The following SLC16A3 variants were observed in gnomAD, a reference collection of about 807,000 sequenced individuals.
The protein encoded by SLC16A3 is monocarboxylate transporter 4.
In SLC16A3, 22 loss-of-function variants were observed where a neutral mutation model predicts 25.0. The ratio of observed to expected loss-of-function variants is 0.88; its 90% confidence interval spans 0.63 to 1.26. The LOEUF (loss-of-function observed/expected upper bound fraction) is 1.26. Among genes scored for constraint, SLC16A3 ranks in the 50% most tolerant of loss-of-function variants. The pLI is 0.00. For missense variants in SLC16A3, 731 were observed against 666.6 expected, an observed-to-expected ratio of 1.10 and a Z score of -1.06; for synonymous variants, 390 against 309.2, an observed-to-expected ratio of 1.26 and a Z score of -2.74.
Position 82,236,807 on chromosome 17 carries a change from G to A in SLC16A3, c.302G>A (p.Gly101Asp). Residue 101 changes from glycine (G) to aspartate (D), a missense_variant, in exon 3 of 5, where the codon GGC becomes GAC. Physicochemically the swap from Gly to Asp is moderately conservative, Grantham distance 94 (BLOSUM62 -1). Coordinates refer to ENST00000582743, the MANE Select transcript of SLC16A3 (RefSeq NM_004207.4). ...GTGGGGGGTCTCTTTGCGTCGCTGG[G>A]CATGGTGGCTGCGTCCTTTTGCCGG... The part of the protein sequence containing the change: ...MLVGGLFASL[G>D]MVAASFCRSI... The A allele has an allele frequency of 2.5e-6, 4 of 1,608,668 alleles. No homozygotes were observed. The highest frequency in any genetic ancestry group is 1.1e-5 in the South Asian group (1 of 91,080).
At chr17:82,219,457 G>A (rs1019442099) in intron 1 of SLC16A3, among the ~76,000 whole-genome samples, 3 of 152,126 alleles carry the variant, frequency 2.0e-5, no homozygotes, top group East Asian at 1.9e-4. Flanking sequence ...CTTGCAGGCC[G>A]TGGGGGCTCC....
At chr17:82,227,813 C>A (rs112782362), upstream of SLC16A3, among the ~76,000 whole-genome samples, 2 of 152,158 alleles carry the variant, frequency 1.3e-5, no homozygotes, top group African/African-American at 2.4e-5. Flanking sequence ...GGTGGTTGGG[C>A]CCCAGGTAGG....
chr17:82,235,036 G>C (rs1464767076), intron 1 of SLC16A3: 1 of 152,270 alleles, frequency 6.6e-6, no homozygotes, highest in Admixed American at 6.5e-5. Context: ...GGGTGGGGTG[G>C]GGCATGAAGA....
In SLC16A3 at chr17:82,239,260, A is replaced by C. The variant is rs1353570098; in HGVS notation, c.*284A>C. On this transcript the variant is annotated 3_prime_UTR_variant, in exon 5 of 5. Coordinates refer to ENST00000582743, the MANE Select transcript of SLC16A3 (RefSeq NM_004207.4). ...GTGGCCTGCGGCCACTGCTATGCTC[A>C]AGGACCTGGAAACCCATGCTTCGAG... 3.3e-5 allele frequency: 5 copies of C among 152,732 alleles called. No homozygotes were observed. The South Asian group carries it at 9.0e-4, about 28-fold the overall frequency. 9.5% of individuals were successfully genotyped at this position (152,732 alleles called of 1,614,324 possible).
At chr17:82,219,148 G>T (rs1043681274) in intron 1 of SLC16A3, among the ~76,000 whole-genome samples, 2 of 152,084 alleles carry the variant, frequency 1.3e-5, no homozygotes, top group African/African-American at 4.8e-5. Flanking sequence ...CATACATTGG[G>T]CTCAGGAGAT....
At chr17:82,227,685 C>CACCACCCGCCCTGGGCGGG (rs1568531681), upstream of SLC16A3, among the ~76,000 whole-genome samples, 9 of 10,624 alleles carry the variant, frequency 8.5e-4, no homozygotes, top group African/African-American at 8.9e-3. Context: ...TGGGCGGGAG[C>CACCACCCGCCCTGGGCGGG]AGCACGGGCC....
At chr17:82,222,353 C>G (rs945565310) in intron 1 of SLC16A3, among the ~76,000 whole-genome samples, 1 of 152,256 alleles carries the variant, frequency 6.6e-6, no homozygotes, top group Non-Finnish European at 1.5e-5. Context: ...CAAAGAGAAA[C>G]GAAGACATCT....
rs769752302 is a variant in SLC16A3 at position 82,238,688 on chromosome 17, G to A, written c.1124-14G>A. 8.7e-6 allele frequency: 14 copies of A among 1,602,548 alleles called. No homozygotes were observed. The highest frequency in any genetic ancestry group is 2.7e-5 in the African/African-American group (2 of 74,742). Reference sequence around the variant, plus strand: ...CCCGCATGAGCGGCTGGGACTGACGGGGTCTTCCCGCAGGCAAACTCCTGG... The same window carrying A: ...CCCGCATGAGCGGCTGGGACTGACGAGGTCTTCCCGCAGGCAAACTCCTGG... On this transcript the variant is annotated splice_polypyrimidine_tract_variant and intron_variant, in intron 4 of 4. Coordinates refer to ENST00000582743, the MANE Select transcript of SLC16A3 (RefSeq NM_004207.4).
Position 82,237,618 on chromosome 17 carries a change from T to C in SLC16A3, c.848T>C (p.Phe283Ser). 6.2e-7 allele frequency: 1 copy of C among 1,612,744 alleles called. No individual in the cohort carries two copies. The highest frequency in any genetic ancestry group is 8.5e-7 in the Non-Finnish European group (1 of 1,179,806). ...IDIFARPAAG[F>S]VAGLGKVRPY... ...ATCTTCGCGCGGCCGGCCGCGGGCTTCGTGGCGGGGCTTGGGAAGGTGCGG... is the reference window on the plus strand; with the variant it reads ...ATCTTCGCGCGGCCGGCCGCGGGCTCCGTGGCGGGGCTTGGGAAGGTGCGG... Residue 283 changes from phenylalanine to serine, a missense_variant, in exon 4 of 5, where the codon TTC becomes TCC. Coordinates refer to ENST00000582743, the MANE Select transcript of SLC16A3 (RefSeq NM_004207.4).
intron 1 of SLC16A3, chr17:82,231,733 GC>G (rs1254371294): frequency 6.6e-6 from 1 of 152,332 alleles, no homozygotes; most frequent in Non-Finnish European, 1.5e-5. Context: ...ACCAGTGGGG[GC>G]TCCTGGCCCT....
chr17:82,239,060 C>T lies in SLC16A3; in HGVS notation c.*84C>T. 1 of 1,349,750 alleles carries T rather than the reference C, an allele frequency of 7.4e-7. No homozygotes were observed. Among genetic ancestry groups the T allele is most frequent in the Non-Finnish European group, 9.9e-7 (1 of 1,007,576 alleles). 83.6% of individuals were successfully genotyped at this position (1,349,750 alleles called of 1,614,324 possible). A position where few individuals can be genotyped will look rare whatever the true frequency, so the allele number is the denominator to read the frequency against. On this transcript the variant is annotated 3_prime_UTR_variant, in exon 5 of 5. Transcript: ENST00000582743. The stretch of plus-strand genomic sequence containing the variant: ...ATTTATTTTACAAACTGGACTGGCT[C>T]AGGCAGGGCCACGGCTGGGCTCCAG...
chr17:82,237,560 G>T lies in SLC16A3; in HGVS notation c.790G>T (p.Ala264Ser). The part of the protein sequence containing the change: ...KDLGVPDTKA[A>S]FLLTILGFID... ...CCTGGGCGTGCCCGACACCAAGGCC[G>T]CCTTCCTGCTCACCATCCTGGGCTT... The change falls in exon 4 of 5, where the codon GCC becomes TCC. Residue 264 changes from alanine (A) to serine (S), a missense_variant. Physicochemically the swap from Ala to Ser is moderately conservative, Grantham distance 99. Transcript: ENST00000582743. The T allele has an allele frequency of 6.2e-7, 1 of 1,611,178 alleles. No homozygotes were observed.
chr17:82,237,088 G>A (rs555649821), intron 3 of SLC16A3, 50 bp from the exon 4 acceptor site: 22 of 1,467,226 alleles, frequency 1.5e-5, no homozygotes, highest in Middle Eastern at 3.6e-4. Context: ...TGAGGGTCTC[G>A]GGCTTTGGGG....
chr17:82,236,617 G>C (rs1295150284), intron 2 of SLC16A3, 112 bp from the exon 3 acceptor site: 2 of 1,464,148 alleles, frequency 1.4e-6, no homozygotes, highest in Non-Finnish European at 1.8e-6. Context: ...GTGCCCCGCG[G>C]GGGGAGGGGT....
Position 82,236,793 on chromosome 17 carries a change from C to G in SLC16A3, c.288C>G (p.Leu96=). The G allele has an allele frequency of 6.2e-7, 1 of 1,608,932 alleles. No individual in the cohort carries two copies. Among genetic ancestry groups the G allele is most frequent in the Non-Finnish European group, 8.5e-7 (1 of 1,179,842 alleles). Residue 96 remains leucine, a synonymous_variant, in exon 3 of 5, where the codon CTC becomes CTG. Coordinates refer to ENST00000582743, the MANE Select transcript of SLC16A3 (RefSeq NM_004207.4). ...GGCCCGTCATGCTTGTGGGGGGTCT[C>G]TTTGCGTCGCTGGGCATGGTGGCTG... The part of the protein sequence containing the change: ...GCRPVMLVGG[L]FASLGMVAAS...
intron 1 of SLC16A3, among the ~76,000 whole-genome samples, chr17:82,223,242 T>C (rs2050400325): frequency 6.6e-6 from 1 of 151,890 alleles, no homozygotes; most frequent in Admixed American, 6.6e-5. Flanking sequence ...GAGTATAGTG[T>C]CGCGATCTCG....
At chr17:82,221,231 A>G (rs962067161) in intron 1 of SLC16A3, among the ~76,000 whole-genome samples, 1 of 152,180 alleles carries the variant, frequency 6.6e-6, no homozygotes, top group Non-Finnish European at 1.5e-5. Flanking sequence ...TACAGACCAT[A>G]TATCTGTTAA....
chr17:82,237,536 C>T lies in SLC16A3; in HGVS notation c.766C>T (p.Leu256=). The T allele has an allele frequency of 6.2e-7, 1 of 1,611,560 alleles. No individual in the cohort carries two copies. The highest frequency in any genetic ancestry group is 1.1e-5 in the South Asian group (1 of 91,030). The change falls in exon 4 of 5, where the codon CTG becomes TTG. Residue 256 remains leucine, a synonymous_variant. Transcript: ENST00000582743. ...PVFVVSYAKD[L]GVPDTKAAFL... Reference sequence around the variant, plus strand: ...GTTCGTGGTGAGCTACGCCAAGGACCTGGGCGTGCCCGACACCAAGGCCGC... The same window carrying T: ...GTTCGTGGTGAGCTACGCCAAGGACTTGGGCGTGCCCGACACCAAGGCCGC...
chr17:82,237,705 GTT>G lies in SLC16A3; in HGVS notation c.936_937del (p.Ser313TyrfsTer98), dbSNP rs757710356. On this transcript the variant is annotated frameshift_variant, in exon 4 of 5. Coordinates refer to ENST00000582743, the MANE Select transcript of SLC16A3 (RefSeq NM_004207.4). LOFTEE classifies it high-confidence loss of function. Reference sequence around the variant, plus strand: ...TTCAACGGCCTCGCGGACCTGGCGGGTTCTACGGCGGGCGACTACGGCGGCCT... The same window carrying G: ...TTCAACGGCCTCGCGGACCTGGCGGGCTACGGCGGGCGACTACGGCGGCCT... 19 of 1,612,568 alleles carry G rather than the reference GTT, an allele frequency of 1.2e-5. No individual in the cohort carries two copies. Among genetic ancestry groups the G allele is most frequent in the Non-Finnish European group, 1.4e-5 (17 of 1,179,792 alleles).
Sources: gnomAD v4.1 joint callset for allele counts (sites outside exome capture counted in the v4.1 genomes callset) on GRCh38, gnomAD v4.1.1 for gene constraint, MANE v1.5 for transcripts, NCBI Gene and HGNC (gene_info 2026-07-23, HGNC 2026-07-21) for gene names.